Variants in MEI1 observed in about 807,000 individuals in gnomAD.
MEI1 encodes the protein meiotic double-stranded break formation protein 1.
A neutral mutation model predicts 146.2 loss-of-function variants in MEI1; 103 were observed. That is an observed-to-expected ratio of 0.70 (90% confidence interval 0.60 to 0.83). The LOEUF (loss-of-function observed/expected upper bound fraction) is 0.83, where lower values mean the gene tolerates loss of function less well. Ranked by LOEUF, MEI1 falls within the 40% of genes least tolerant of loss-of-function variation. The pLI is 0.00. For synonymous variants in MEI1, 652 were observed against 628.2 expected, an observed-to-expected ratio of 1.04 and a Z score of -0.57; for missense variants, 1,529 against 1,533.0, an observed-to-expected ratio of 1.00 and a Z score of 0.04.
chr22:41,765,536 T>G (rs2074791444), intron 19 of MEI1, among the ~76,000 whole-genome samples: 1 of 152,134 alleles, frequency 6.6e-6, no homozygotes, highest in African/African-American at 2.4e-5. Flanking sequence ...CAATCACAAC[T>G]TGATTTTTCT....
chr22:41,773,560 T>TA (rs34960433), intron 20 of MEI1, among the ~76,000 whole-genome samples: 42 of 129,950 alleles, frequency 3.2e-4, no homozygotes, highest in Admixed American at 2.0e-3. Flanking sequence ...ACATCAATGG[T>TA]AAAAAAAAAA....
chr22:41,728,168 T>A (rs1420537692), intron 7 of MEI1, among the ~76,000 whole-genome samples: 1 of 152,038 alleles, frequency 6.6e-6, no homozygotes, highest in Non-Finnish European at 1.5e-5. Context: ...AGGCCACATA[T>A]AAGTAGAACC....
chr22:41,721,565 T>A (rs5751143), intron 6 of MEI1, among the ~76,000 whole-genome samples: 11 of 6,050 alleles, frequency 1.8e-3, no homozygotes, highest in Admixed American at 4.9e-3. Context: ...AATTAAAAAA[T>A]TTTTTTTTGT....
rs776665827 is a variant in MEI1, at chr22:41,784,338, G to A, written c.3088-1G>A. On this transcript the variant is annotated splice_acceptor_variant, in intron 24 of 30. Coordinates refer to ENST00000401548, the MANE Select transcript of MEI1 (RefSeq NM_152513.4). LOFTEE classifies it high-confidence loss of function. The stretch of plus-strand genomic sequence containing the variant: ...TAGCCCTTTACCCTGTGCCCTGCCA[G>A]GTTCACCAGACACTCTCTGTGGAAA... The A allele has an allele frequency of 6.2e-7, 1 of 1,613,622 alleles. No homozygotes were observed. Among genetic ancestry groups the A allele is most frequent in the Non-Finnish European group, 8.5e-7 (1 of 1,179,816 alleles).
chr22:41,755,539 C>T (rs1485969636), intron 17 of MEI1, among the ~76,000 whole-genome samples: 1 of 152,220 alleles, frequency 6.6e-6, no homozygotes, highest in Non-Finnish European at 1.5e-5. Flanking sequence ...TTGGCAGTCA[C>T]ATCACCATCA....
chr22:41,770,452 G>A (rs918039299), intron 19 of MEI1, among the ~76,000 whole-genome samples: 22 of 151,800 alleles, frequency 1.4e-4, no homozygotes, highest in African/African-American at 5.1e-4. Context: ...AGTAAAAAAT[G>A]TCTCCAGACT....
chr22:41,707,120 T>A (rs998614969), intron 3 of MEI1, among the ~76,000 whole-genome samples: 1 of 151,878 alleles, frequency 6.6e-6, no homozygotes. Flanking sequence ...GGAGAATCAC[T>A]TGAACCCGGG....
chr22:41,709,476 T>C (rs1306703949), intron 3 of MEI1: 18 of 650,312 alleles, frequency 2.8e-5, no homozygotes, highest in Non-Finnish European at 4.3e-5. Context: ...CTTCAGCCTT[T>C]GTCTTGGGCA....
In MEI1 at chr22:41,754,021, G is replaced by C; in HGVS notation, c.1926G>C (p.Glu642Asp). The stretch of plus-strand genomic sequence containing the variant: ...GCCTCAACCTTCTCTCAGCTCCAGA[G>C]AAGACAGGACCACCTTCCAAAGAAG... ...YMCLNLLSAP[E>D]KTGPPSKEEL... The change falls in exon 17 of 31, where the codon GAG becomes GAC. Residue 642 changes from glutamate to aspartate, a missense_variant. Physicochemically the swap from Glu to Asp is conservative, Grantham distance 45. Transcript: ENST00000401548. 6.2e-7 allele frequency: 1 copy of C among 1,613,434 alleles called. No individual in the cohort carries two copies. Among genetic ancestry groups the C allele is most frequent in the Non-Finnish European group, 8.5e-7 (1 of 1,179,438 alleles).
chr22:41,782,091 C>T (rs1189697199), intron 24 of MEI1, among the ~76,000 whole-genome samples: 1 of 152,152 alleles, frequency 6.6e-6, no homozygotes, highest in Admixed American at 6.5e-5. Context: ...CTATTCTTGG[C>T]ACAGAGGAAT....
At chr22:41,796,975 A>G (rs974763388) in intron 30 of MEI1, among the ~76,000 whole-genome samples, 1 of 152,204 alleles carries the variant, frequency 6.6e-6, no homozygotes, top group African/African-American at 2.4e-5. Flanking sequence ...TGTTTCATGA[A>G]TAAAATTATA....
At chr22:41,705,141 G>A (rs994055958) in intron 2 of MEI1, among the ~76,000 whole-genome samples, 35 of 151,370 alleles carry the variant, frequency 2.3e-4, no homozygotes, top group African/African-American at 8.5e-4. Context: ...GCCTGTGTGG[G>A]TCTATTTCTC....
At chr22:41,767,707 C>A in intron 19 of MEI1, 1 of 424,726 alleles carries the variant, frequency 2.4e-6, no homozygotes, top group Non-Finnish European at 4.9e-6. Context: ...GAGCTAGGTA[C>A]CATGTGGGGC....
At chr22:41,768,271 A>G (rs1009100924) in intron 19 of MEI1, among the ~76,000 whole-genome samples, 3 of 152,008 alleles carry the variant, frequency 2.0e-5, no homozygotes, top group African/African-American at 7.2e-5. Flanking sequence ...AGTCCCAGCT[A>G]CTCGGGAGGC....
At chr22:41,732,167 C>G in intron 9 of MEI1, 78 bp from the exon 10 acceptor site, 3 of 1,152,940 alleles carry the variant, frequency 2.6e-6, no homozygotes, top group East Asian at 5.1e-5. Context: ...TGTCCAGAGC[C>G]TGTCACCTCT....
Position 41,775,862 on chromosome 22 carries a change from G to A in MEI1, c.2545-240G>A, listed in dbSNP as rs1268366404. Among the ~76,000 whole-genome samples the A allele has an allele frequency of 2.0e-5, 3 of 152,090 alleles. No individual in the cohort carries two copies. The East Asian group carries it at 5.8e-4, about 29-fold the overall frequency. The stretch of plus-strand genomic sequence containing the variant: ...ACCCGCCTTGGCCTCCCAAAGTGCT[G>A]GGATTACATGCGTGAGCCACCATGC... On this transcript the variant is annotated intron_variant, in intron 20 of 30. Transcript: ENST00000401548.
At chr22:41,724,142 T>G in intron 7 of MEI1, 69 bp downstream of exon 7, 1 of 1,565,734 alleles carries the variant, frequency 6.4e-7, no homozygotes, top group East Asian at 2.2e-5. Flanking sequence ...TTGGGCCTTG[T>G]CTTCATCTAC....
chr22:41,724,616 C>CA (rs545418662), intron 7 of MEI1, among the ~76,000 whole-genome samples: 1,574 of 74,860 alleles, frequency 0.021, 20 homozygotes, highest in Middle Eastern at 0.075. Context: ...GACTCTGTCT[C>CA]AAAAAAAAAA....
At chr22:41,752,986 A>G (rs1356469959) in intron 16 of MEI1, among the ~76,000 whole-genome samples, 7 of 151,682 alleles carry the variant, frequency 4.6e-5, no homozygotes, top group Non-Finnish European at 1.0e-4. Context: ...TTCAAGATCA[A>G]CTTGGGCAGC....
Sources: allele counts gnomAD v4.1 joint callset (sites outside exome capture counted in the v4.1 genomes callset), GRCh38; gene constraint gnomAD v4.1.1; transcripts MANE v1.5; gene names NCBI Gene and HGNC (gene_info 2026-07-23, HGNC 2026-07-21).